The following SLC7A1 variants were observed in gnomAD, a reference collection of about 807,000 sequenced individuals.
SLC7A1 encodes the protein high affinity cationic amino acid transporter 1.
Under a neutral mutation model 53.9 loss-of-function variants are expected in SLC7A1, and 10 were observed. The ratio of observed to expected loss-of-function variants is 0.19; its 90% CI spans 0.11 to 0.31. The LOEUF (loss-of-function observed/expected upper bound fraction) is 0.31, where lower values mean the gene tolerates loss of function less well. Among genes scored for constraint, SLC7A1 ranks in the 10% least tolerant of loss-of-function variants. The probability of loss-of-function intolerance (pLI) is 1.00; values close to 1 mark genes in which losing one functional copy is unlikely to be tolerated. For missense variants in SLC7A1, 525 were observed against 827.2 expected (o/e 0.63, Z 4.48); for synonymous variants, 342 against 338.7 (o/e 1.01, Z -0.11).
chr13:29,554,283 G>C (rs537664968), intron 1 of SLC7A1, among the ~76,000 whole-genome samples: 1 of 152,220 alleles, frequency 6.6e-6, no homozygotes, highest in African/African-American at 2.4e-5. Flanking sequence ...AGCAGGGGCA[G>C]AAAACCTTAG....
intron 2 of SLC7A1, among the ~76,000 whole-genome samples, chr13:29,552,743 T>G (rs1169914568): frequency 2.0e-5 from 3 of 152,204 alleles, no homozygotes; most frequent in African/African-American, 7.2e-5. Context: ...GAAATAATGC[T>G]TATCACTGGC....
intron 1 of SLC7A1, among the ~76,000 whole-genome samples, chr13:29,556,295 A>G (rs950622353): frequency 3.3e-5 from 5 of 152,220 alleles, no homozygotes; most frequent in Non-Finnish European, 1.5e-5. Flanking sequence ...TTTCATAAAA[A>G]TGTTACTTAT....
chr13:29,523,207 G>T, intron 7 of SLC7A1, 59 bp downstream of exon 7: 3 of 1,430,816 alleles, frequency 2.1e-6, no homozygotes, highest in Non-Finnish European at 9.8e-7. Flanking sequence ...GCCTGCTATA[G>T]CCTAACCCCT....
intron 5 of SLC7A1, among the ~76,000 whole-genome samples, chr13:29,525,252 C>T (rs1277850330): frequency 6.6e-6 from 1 of 152,206 alleles, no homozygotes; most frequent in Non-Finnish European, 1.5e-5. Context: ...GAAGGGCAGT[C>T]CCTACTCCCA....
chr13:29,549,362 G>A (rs371579794), intron 2 of SLC7A1, among the ~76,000 whole-genome samples: 10 of 152,278 alleles, frequency 6.6e-5, no homozygotes, highest in African/African-American at 2.4e-4. Context: ...AGTGCCAGAG[G>A]GGGTGAAGGG....
intron 2 of SLC7A1, among the ~76,000 whole-genome samples, chr13:29,538,294 G>A (rs1197169941): frequency 6.6e-6 from 1 of 152,174 alleles, no homozygotes; most frequent in African/African-American, 2.4e-5. Flanking sequence ...AAAGTGGGGA[G>A]GAAATGAGGA....
chr13:29,536,691 T>C (rs1869436100), intron 2 of SLC7A1, among the ~76,000 whole-genome samples: 1 of 152,246 alleles, frequency 6.6e-6, no homozygotes, highest in African/African-American at 2.4e-5. Flanking sequence ...GCAATAACAA[T>C]GTTTTTCTAG....
At chr13:29,529,571 G>A (rs1869057770) in intron 5 of SLC7A1, among the ~76,000 whole-genome samples, 1 of 152,200 alleles carries the variant, frequency 6.6e-6, no homozygotes, top group African/African-American at 2.4e-5. Context: ...AGGCAGATGA[G>A]GACAATGTCC....
intron 5 of SLC7A1, among the ~76,000 whole-genome samples, chr13:29,528,586 A>G (rs997980139): frequency 1.3e-5 from 2 of 152,232 alleles, no homozygotes; most frequent in Non-Finnish European, 2.9e-5. Context: ...ATGCAAGACT[A>G]CATGGCTGTT....
chr13:29,550,284 G>A (rs1277039481), intron 2 of SLC7A1, among the ~76,000 whole-genome samples: 1 of 152,246 alleles, frequency 6.6e-6, no homozygotes, highest in African/African-American at 2.4e-5. Context: ...CATCCATGCT[G>A]GCTGCAAGGG....
intron 1 of SLC7A1, among the ~76,000 whole-genome samples, chr13:29,565,871 C>T (rs1005921140): frequency 1.1e-4 from 16 of 152,202 alleles, no homozygotes; most frequent in African/African-American, 3.6e-4. Context: ...AGCTTCCTAA[C>T]GCAGCAGCAT....
chr13:29,580,947 T>C (rs200076143), intron 1 of SLC7A1, among the ~76,000 whole-genome samples: 1 of 151,568 alleles, frequency 6.6e-6, no homozygotes, highest in Non-Finnish European at 1.5e-5. Context: ...AACCCCACAT[T>C]CCCACCACCG....
chr13:29,530,723 G>A lies in SLC7A1; in HGVS notation c.530-11C>T, dbSNP rs1186550789. Reference sequence around the variant, plus strand: ...CAAGAGTTAAAAGTCCTGAAAAAGTGCATAGACACAAAACTTTGTCTGAGT... The same window carrying A: ...CAAGAGTTAAAAGTCCTGAAAAAGTACATAGACACAAAACTTTGTCTGAGT... On this transcript the variant is annotated splice_polypyrimidine_tract_variant and intron_variant, in intron 4 of 12. Transcript: ENST00000380752. 6.2e-7 allele frequency: 1 copy of A among 1,611,916 alleles called. No homozygotes were observed. The highest frequency in any genetic ancestry group is 1.3e-5 in the African/African-American group (1 of 74,960).
At chr13:29,571,435 C>A (rs371408785) in intron 1 of SLC7A1, among the ~76,000 whole-genome samples, 1 of 152,280 alleles carries the variant, frequency 6.6e-6, no homozygotes, top group East Asian at 1.9e-4. Context: ...TAGCATCAAC[C>A]ACCAAAGCCC....
At chr13:29,541,715 T>C (rs1869675038) in intron 2 of SLC7A1, among the ~76,000 whole-genome samples, 1 of 152,222 alleles carries the variant, frequency 6.6e-6, no homozygotes, top group African/African-American at 2.4e-5. Context: ...TTCTGGATGT[T>C]AACATGATGT....
chr13:29,559,937 A>C (rs538751736), intron 1 of SLC7A1, among the ~76,000 whole-genome samples: 9 of 152,106 alleles, frequency 5.9e-5, no homozygotes, highest in Non-Finnish European at 1.0e-4. Context: ...GGATGGTCTC[A>C]ATCTCCTGAC....
rs1868430597 is a variant in SLC7A1, at chr13:29,517,872, CA to C, written c.1293-83del. 6.7e-6 allele frequency: 7 copies of C among 1,043,802 alleles called. No homozygotes were observed. In the South Asian group the frequency reaches 9.0e-5, roughly 13 times the overall value. 64.7% of individuals were successfully genotyped at this position (1,043,802 alleles called of 1,614,324 possible). ...CCAACTCAAGTTCTCAATAAGCCTC[CA>C]AAGTGAGCTGCCCGGGACACAAGGT... On this transcript the variant is annotated intron_variant, in intron 9 of 12. Transcript: ENST00000380752.
At chr13:29,533,728 G>T (rs996160960) in intron 3 of SLC7A1, among the ~76,000 whole-genome samples, 7 of 152,164 alleles carry the variant, frequency 4.6e-5, no homozygotes, top group Non-Finnish European at 1.5e-5. Context: ...CACTCAAAAT[G>T]CCAACAATAG....
chr13:29,570,643 G>A (rs114541098), intron 1 of SLC7A1, among the ~76,000 whole-genome samples: 3,944 of 152,226 alleles, frequency 0.026, 168 homozygotes, highest in African/African-American at 0.09. Flanking sequence ...CTTGAGCCCC[G>A]GAGTTGGAGA....
Sources: allele counts gnomAD v4.1 joint callset (sites outside exome capture counted in the v4.1 genomes callset), GRCh38; gene constraint gnomAD v4.1.1; transcripts MANE v1.5; gene names NCBI Gene and HGNC (gene_info 2026-07-23, HGNC 2026-07-21).